CEMIP: variants seen among roughly 807,000 people sequenced by gnomAD.
CEMIP encodes the protein cell migration inducing hyaluronidase 1.
In CEMIP, 105 loss-of-function variants were observed where a neutral mutation model predicts 156.9. The observed-to-expected ratio is 0.67, with a 90% CI of 0.57 to 0.79. The LOEUF (loss-of-function observed/expected upper bound fraction) is 0.79, where lower values mean the gene tolerates loss of function less well. Among genes scored for constraint, CEMIP ranks in the 30% least tolerant of loss-of-function variants. The pLI is 0.00. For synonymous variants in CEMIP, 676 were observed against 668.4 expected (o/e 1.01, Z -0.17); for missense variants, 1,457 against 1,769.4 (o/e 0.82, Z 3.17).
intron 1 of CEMIP, among the ~76,000 whole-genome samples, chr15:80,804,767 G>T (rs1039337798): frequency 6.6e-6 from 1 of 152,124 alleles, no homozygotes; most frequent in African/African-American, 2.4e-5. Flanking sequence ...TGATAAAACC[G>T]AGGTCTTTCC....
At chr15:80,874,214 T>C (rs935346490) in intron 3 of CEMIP, among the ~76,000 whole-genome samples, 1 of 152,194 alleles carries the variant, frequency 6.6e-6, no homozygotes, top group African/African-American at 2.4e-5. Context: ...ACTCAGCGCC[T>C]ACAGAAGCCA....
chr15:80,931,404 C>T (rs1900906111), intron 21 of CEMIP, among the ~76,000 whole-genome samples: 1 of 152,106 alleles, frequency 6.6e-6, no homozygotes, highest in Admixed American at 6.5e-5. Context: ...AAAACTAAGG[C>T]GATAATGACT....
rs1437107324 is a variant in CEMIP at position 80,929,028 on chromosome 15, C to A, written c.2466C>A (p.Thr822=). The stretch of plus-strand genomic sequence containing the variant: ...CATCTTCTCTCTACAGTGGTGGAAC[C>A]TTCCCGTATGACGACGGCTCCAAGC... The part of the protein sequence containing the change: ...GIGLTLASGG[T]FPYDDGSKQE... The change falls in exon 21 of 30, where the codon ACC becomes ACA. Residue 822 remains threonine, a synonymous_variant. Coordinates refer to ENST00000394685, the MANE Select transcript of CEMIP (RefSeq NM_001293298.2). 1 of 1,614,214 alleles carries A rather than the reference C, an allele frequency of 6.2e-7. No homozygotes were observed. The highest frequency in any genetic ancestry group is 1.7e-5 in the Admixed American group (1 of 60,028).
chr15:80,835,946 T>C (rs182832556), intron 1 of CEMIP, among the ~76,000 whole-genome samples: 126 of 145,064 alleles, frequency 8.7e-4, no homozygotes, highest in African/African-American at 2.9e-3. Context: ...TATTTTTAAG[T>C]GTTTTTTTTT....
At chr15:80,868,581 G>A (rs1359483479) in intron 1 of CEMIP, among the ~76,000 whole-genome samples, 9 of 152,146 alleles carry the variant, frequency 5.9e-5, no homozygotes, top group Non-Finnish European at 1.0e-4. Context: ...TCCTATCAGC[G>A]CCTACATTCT....
chr15:80,875,585 T>C (rs1252918587), intron 3 of CEMIP, among the ~76,000 whole-genome samples: 1 of 152,172 alleles, frequency 6.6e-6, no homozygotes, highest in Non-Finnish European at 1.5e-5. Context: ...CTATCAGCTA[T>C]GTGGAAAGGG....
At chr15:80,780,088 G>T (rs1596082795) in intron 1 of CEMIP, among the ~76,000 whole-genome samples, 1 of 152,238 alleles carries the variant, frequency 6.6e-6, no homozygotes, top group East Asian at 2.0e-4. Context: ...ACAGGTCTGC[G>T]CCCTGCTGCT....
At chr15:80,814,099 G>A (rs1175786891) in intron 1 of CEMIP, among the ~76,000 whole-genome samples, 1 of 139,282 alleles carries the variant, frequency 7.2e-6, no homozygotes, top group East Asian at 2.1e-4. Context: ...TGCCCAGGCT[G>A]GAGTGCAGTG....
chr15:80,785,021 A>G (rs1190029547), intron 1 of CEMIP, among the ~76,000 whole-genome samples: 2 of 152,228 alleles, frequency 1.3e-5, no homozygotes, highest in African/African-American at 4.8e-5. Flanking sequence ...CTCCTAAGCC[A>G]TCTTATCAGC....
At chr15:80,941,042 C>T in intron 25 of CEMIP, among the ~76,000 whole-genome samples, 1 of 152,156 alleles carries the variant, frequency 6.6e-6, no homozygotes, top group East Asian at 1.9e-4. Flanking sequence ...ATCCATGGCC[C>T]CTCTGTGAGT....
Position 80,931,869 on chromosome 15 carries a change from A to G in CEMIP, c.2623A>G (p.Ile875Val). 6.2e-7 allele frequency: 1 copy of G among 1,614,124 alleles called. No individual in the cohort carries two copies. The highest frequency in any genetic ancestry group is 8.5e-7 in the Non-Finnish European group (1 of 1,179,978). Residue 875 changes from isoleucine to valine, a missense_variant, in exon 22 of 30, where the codon ATT (isoleucine) becomes GTT (valine). By Grantham distance (29) the Ile-to-Val change is conservative. Transcript: ENST00000394685. The part of the protein sequence containing the change: ...RTLPIGQNFP[I>V]RGIQLYDGPI... ...TCCTTAACTCCGTAGGAATTTTCCA[A>G]TTAGAGGAATTCAGTTATATGATGG...
Position 80,909,305 on chromosome 15 carries a change from T to A in CEMIP, c.1796T>A (p.Leu599Ter), listed in dbSNP as rs764432304. Residue 599 changes from leucine to a stop codon, truncating the protein, a stop_gained and splice_region_variant, in exon 14 of 30, where the codon TTG (leucine) becomes TAG (stop). Transcript: ENST00000394685. LOFTEE classifies it high-confidence loss of function. Reference protein sequence around the residue: ...CVTVHGSNGLLIKDVVGYNSL... With the variant: ...CVTVHGSNGL The stretch of plus-strand genomic sequence containing the variant: ...ACAGTCCATGGCTCCAATGGCTTGT[T>A]GGTAAGAACCTCCTTCCCTCAGGGA... 6.2e-7 allele frequency: 1 copy of A among 1,614,022 alleles called. No homozygotes were observed. Among genetic ancestry groups the A allele is most frequent in the Non-Finnish European group, 8.5e-7 (1 of 1,179,958 alleles).
At chr15:80,799,995 C>A (rs1009079779) in intron 1 of CEMIP, among the ~76,000 whole-genome samples, 41 of 147,636 alleles carry the variant, frequency 2.8e-4, no homozygotes, top group Middle Eastern at 7.1e-3. Flanking sequence ...GGACTACAGG[C>A]ACATAACACC....
chr15:80,919,856 C>A (rs1158021674), intron 14 of CEMIP, among the ~76,000 whole-genome samples: 2 of 152,054 alleles, frequency 1.3e-5, no homozygotes, highest in Admixed American at 6.5e-5. Context: ...GTCCCACTTT[C>A]CCCAGGCCTA....
intron 1 of CEMIP, among the ~76,000 whole-genome samples, chr15:80,866,744 C>A (rs955918814): frequency 2.6e-5 from 4 of 150,990 alleles, no homozygotes; most frequent in Admixed American, 2.6e-4. Flanking sequence ...TGAGATCACA[C>A]CACTGCACTC....
At chr15:80,844,242 T>C (rs1436000667) in intron 1 of CEMIP, among the ~76,000 whole-genome samples, 3 of 151,988 alleles carry the variant, frequency 2.0e-5, no homozygotes, top group African/African-American at 4.8e-5. Context: ...TGTCGCGCCC[T>C]CCCCCTGCCT....
chr15:80,882,907 G>A (rs1327510449), intron 6 of CEMIP, among the ~76,000 whole-genome samples: 3 of 152,140 alleles, frequency 2.0e-5, no homozygotes, highest in Non-Finnish European at 4.4e-5. Flanking sequence ...GGGAAGGAAT[G>A]ATGAAGACAG....
chr15:80,832,820 A>G (rs757265966), intron 1 of CEMIP, among the ~76,000 whole-genome samples: 1 of 152,164 alleles, frequency 6.6e-6, no homozygotes, highest in Non-Finnish European at 1.5e-5. Context: ...TGTGATGTGG[A>G]CAGAGCCAAC....
intron 1 of CEMIP, among the ~76,000 whole-genome samples, chr15:80,859,366 C>G (rs1897929884): frequency 6.6e-6 from 1 of 152,234 alleles, no homozygotes; most frequent in Admixed American, 6.5e-5. Context: ...AAGGCTGGTT[C>G]CAGTTCATCA....
Sources: gnomAD v4.1 joint callset for allele counts (sites outside exome capture counted in the v4.1 genomes callset) on GRCh38, gnomAD v4.1.1 for gene constraint, MANE v1.5 for transcripts, NCBI Gene and HGNC (gene_info 2026-07-23, HGNC 2026-07-21) for gene names.